Variants in DEFB121 observed in about 807,000 individuals in gnomAD.
DEFB121 encodes the protein defensin beta 121.
DEFB121 carries 5 observed loss-of-function variants against 2.5 expected under a neutral mutation model. The ratio of observed to expected loss-of-function variants is 1.96; its 90% CI spans 1.03 to 4.13. DEFB121 has a LOEUF of 4.13. Ranked by LOEUF, DEFB121 falls within the 30% of genes most tolerant of loss-of-function variation. The pLI, the probability that DEFB121 is intolerant of heterozygous loss-of-function variation, is 0.00. For synonymous variants in DEFB121, 39 were observed against 32.6 expected, an observed-to-expected ratio of 1.20 and a Z score of -0.67; for missense variants, 87 against 85.0, an observed-to-expected ratio of 1.02 and a Z score of -0.09.
chr20:31,406,073 C>G, intron 1 of DEFB121, 22 bp downstream of exon 1: 1 of 1,613,714 alleles, frequency 6.2e-7, no homozygotes. Context: ...GACTCCCATC[C>G]CCTTCTGGAG....
At chr20:31,407,929 CA>C (rs1236299601), upstream of DEFB121, among the ~76,000 whole-genome samples, 2 of 152,132 alleles carry the variant, frequency 1.3e-5, no homozygotes, top group African/African-American at 4.8e-5. Flanking sequence ...AGGCACGCGC[CA>C]CCACACCCAG....
At chr20:31,415,399 G>T (rs117521108), upstream of DEFB121, among the ~76,000 whole-genome samples, 2,984 of 152,108 alleles carry the variant, frequency 0.02, 68 homozygotes, top group Middle Eastern at 0.058. Flanking sequence ...ACAGGCACCA[G>T]CCACCATGCC....
upstream of DEFB121, among the ~76,000 whole-genome samples, chr20:31,409,707 A>T (rs1323328705): frequency 2.6e-5 from 4 of 152,226 alleles, no homozygotes; most frequent in Non-Finnish European, 4.4e-5. Flanking sequence ...AGATCATGCC[A>T]CTGCACTCCA....
chr20:31,409,991 A>T (rs186969661), upstream of DEFB121, among the ~76,000 whole-genome samples: 216 of 152,294 alleles, frequency 1.4e-3, 2 homozygotes, highest in Non-Finnish European at 2.4e-4. Context: ...CTATATGCAG[A>T]TGTCAAAATT....
chr20:31,409,044 C>G (rs1217449200), upstream of DEFB121, among the ~76,000 whole-genome samples: 1 of 151,316 alleles, frequency 6.6e-6, no homozygotes, highest in Non-Finnish European at 1.5e-5. Flanking sequence ...AAAAATGTAC[C>G]AAGGCAAACA....
upstream of DEFB121, among the ~76,000 whole-genome samples, chr20:31,415,116 T>C (rs1390731654): frequency 1.3e-5 from 2 of 152,200 alleles, no homozygotes; most frequent in Non-Finnish European, 2.9e-5. Context: ...TGTACTACAT[T>C]GTACCTAGAG....
At chr20:31,410,553 G>A (rs1378421775), upstream of DEFB121, among the ~76,000 whole-genome samples, 2 of 152,106 alleles carry the variant, frequency 1.3e-5, no homozygotes, top group African/African-American at 4.8e-5. Flanking sequence ...CTTTGTATAA[G>A]GCCAATGACA....
At chr20:31,418,259 C>CAAAAAAAAAAAAAAAA in the DEFB121 span, among the ~76,000 whole-genome samples, 36 of 82,968 alleles carry the variant, frequency 4.3e-4, no homozygotes, top group Non-Finnish European at 6.2e-4. Context: ...GACTCCGTCT[C>CAAAAAAAAAAAAAAAA]AAAAAAAAAA....
upstream of DEFB121, among the ~76,000 whole-genome samples, chr20:31,414,888 T>C (rs1369549025): frequency 6.6e-6 from 1 of 152,038 alleles, no homozygotes; most frequent in African/African-American, 2.4e-5. Flanking sequence ...TTGTCTCTAT[T>C]AAAAATAAAA....
upstream of DEFB121, among the ~76,000 whole-genome samples, chr20:31,414,286 A>C (rs1978744353): frequency 6.6e-6 from 1 of 152,106 alleles, no homozygotes; most frequent in African/African-American, 2.4e-5. Context: ...AAGGAAGGAA[A>C]GGAAGGCAAA....
At chr20:31,415,332 G>C (rs6059182), upstream of DEFB121, among the ~76,000 whole-genome samples, 127,460 of 151,080 alleles carry the variant, frequency 0.84, 53,833 homozygotes, top group African/African-American at 0.89. Context: ...TCACTGTAAC[G>C]TCCGCCTCCC....
chr20:31,411,050 G>A (rs1978649554), upstream of DEFB121, among the ~76,000 whole-genome samples: 1 of 152,150 alleles, frequency 6.6e-6, no homozygotes, highest in Admixed American at 6.5e-5. Context: ...AGCAGAATAA[G>A]GCTGCCTAAT....
At position 31,412,705 on chromosome 20, in the gene DEFB121, C is replaced by G. The variant is rs55776721; in HGVS notation, n.134G>C. ...GGCTTTTCATTGTCAACACAGTCAA[C>G]GCTCAATACAAGGGACATTAGGATT... is the stretch of plus-strand genomic sequence containing the variant. On this transcript the variant is annotated non_coding_transcript_exon_variant, in exon 1 of 2. Transcript: ENST00000376312. 5 of 1,282,220 alleles carry G rather than the reference C, an allele frequency of 3.9e-6. No individual in the cohort carries two copies. In the South Asian group the frequency reaches 6.2e-5, roughly 16 times the overall value. 79.4% of individuals were successfully genotyped at this position (1,282,220 alleles called of 1,614,324 possible). A position where few individuals can be genotyped will look rare whatever the true frequency, so the allele number is the denominator to read the frequency against.
chr20:31,415,439 AG>A (rs1416430826), upstream of DEFB121, among the ~76,000 whole-genome samples: 1 of 152,042 alleles, frequency 6.6e-6, no homozygotes, highest in African/African-American at 2.4e-5. Flanking sequence ...TATTAGAGAC[AG>A]GGTTTCACCA....
chr20:31,406,003 A>G (rs1978463782), intron 1 of DEFB121, 92 bp downstream of exon 1: 16 of 1,455,596 alleles, frequency 1.1e-5, no homozygotes, highest in Non-Finnish European at 1.5e-5. Flanking sequence ...CTACCAGGCC[A>G]TTCTCCCAGC....
chr20:31,406,072 C>T, intron 1 of DEFB121, 23 bp downstream of exon 1: 1 of 1,613,680 alleles, frequency 6.2e-7, no homozygotes, highest in Non-Finnish European at 8.5e-7. Flanking sequence ...TGACTCCCAT[C>T]CCCTTCTGGA....
upstream of DEFB121, among the ~76,000 whole-genome samples, chr20:31,409,081 C>A (rs183948200): frequency 3.3e-5 from 5 of 151,572 alleles, no homozygotes; most frequent in Middle Eastern, 3.4e-3. Flanking sequence ...GAGTTTGAGA[C>A]CAGCCTGGAT....
In DEFB121 at chr20:31,406,166, T is replaced by A; in HGVS notation, c.-14A>T. The A allele has an allele frequency of 1.2e-6, 2 of 1,613,952 alleles. No individual in the cohort carries two copies. The highest frequency in any genetic ancestry group is 8.5e-7 in the Non-Finnish European group (1 of 1,179,896). On this transcript the variant is annotated 5_prime_UTR_variant, in exon 1 of 2. Transcript: ENST00000376314. ...AAGGAGCTTCATGAATGATGAATGA[T>A]CAGGGAGGGATAGGAGGCTTCTCAA... is the stretch of plus-strand genomic sequence containing the variant.
chr20:31,410,323 C>A (rs1568740056), upstream of DEFB121, among the ~76,000 whole-genome samples: 1 of 152,062 alleles, frequency 6.6e-6, no homozygotes, highest in African/African-American at 2.4e-5. Context: ...TACATGTGAA[C>A]ATAAAGAGGG....
Sources: gnomAD v4.1 joint callset for allele counts (sites outside exome capture counted in the v4.1 genomes callset) on GRCh38, gnomAD v4.1.1 for gene constraint, MANE v1.5 for transcripts, NCBI Gene and HGNC (gene_info 2026-07-23, HGNC 2026-07-21) for gene names.